The following HIRA variants were observed in gnomAD, a reference collection of about 807,000 sequenced individuals.
HIRA encodes protein HIRA.
In HIRA, 13 loss-of-function variants were observed where a neutral mutation model predicts 126.6. The ratio of observed to expected loss-of-function variants is 0.10; its 90% CI spans 0.07 to 0.16. The LOEUF (loss-of-function observed/expected upper bound fraction) is 0.16. Ranked by LOEUF, HIRA falls within the 10% of genes least tolerant of loss-of-function variation. The probability of loss-of-function intolerance (pLI) is 1.00; values close to 1 mark genes in which losing one functional copy is unlikely to be tolerated. For synonymous variants in HIRA, 511 were observed against 520.0 expected (o/e 0.98, Z 0.24); for missense variants, 834 against 1,314.4 (o/e 0.63, Z 5.65).
chr22:19,384,904 T>C (rs2089111862), intron 12 of HIRA, among the ~76,000 whole-genome samples: 1 of 151,980 alleles, frequency 6.6e-6, no homozygotes, highest in Admixed American at 6.6e-5. Flanking sequence ...TCCGCCTGCC[T>C]CAGCCTCCCA....
At position 19,354,083 on chromosome 22, in the gene HIRA, T is replaced by G; in HGVS notation, c.2597A>C (p.Gln866Pro). ...LVSDKQDSLAQCADFRSSLPS... is the reference protein window; with the variant it reads ...LVSDKQDSLAPCADFRSSLPS... Reference sequence around the variant, plus strand: ...CAGGCTGCTCCTAAAGTCTGCACACTGAGCCAGTGAGTCCTGCTTGTCAGA... The same window carrying G: ...CAGGCTGCTCCTAAAGTCTGCACACGGAGCCAGTGAGTCCTGCTTGTCAGA... The change falls in exon 22 of 25, where the codon CAG (glutamine) becomes CCG (proline). Residue 866 changes from glutamine to proline, a missense_variant. Around this residue, in one of 5 missense-constraint regions of HIRA, gnomAD observed 468 missense variants for 574.2 expected, o/e 0.82. Transcript: ENST00000263208. 6.2e-7 allele frequency: 1 copy of G among 1,613,104 alleles called. No individual in the cohort carries two copies.
chr22:19,361,324 G>A lies in HIRA; in HGVS notation c.1998C>T (p.Thr666=), dbSNP rs563277356. The A allele has an allele frequency of 8.7e-6, 14 of 1,614,158 alleles. No homozygotes were observed. The highest frequency in any genetic ancestry group is 1.6e-4 in the Middle Eastern group (1 of 6,062). The change falls in exon 17 of 25, where the codon ACC becomes ACT. Residue 666 remains threonine (T), a synonymous_variant. Transcript: ENST00000263208. ...SLSVQSPAAL[T]AEKEAMCLSA... is the part of the protein sequence containing the mutation. ...ACAGACACATGGCCTCCTTCTCTGCGGTTAGGGCAGCTGGAGACTGGAAGA... is the reference window on the plus strand; with the variant it reads ...ACAGACACATGGCCTCCTTCTCTGCAGTTAGGGCAGCTGGAGACTGGAAGA...
Position 19,334,165 on chromosome 22 carries a change from T to A in HIRA, c.2938-2609A>T, listed in dbSNP as rs752458735. On this transcript the variant is annotated intron_variant, in intron 24 of 24. Coordinates refer to ENST00000263208, the MANE Select transcript of HIRA (RefSeq NM_003325.4). Reference sequence around the variant, plus strand: ...AATTTTTTTGTATTTTTAGTAGAGATGGGGTTCCACCATGTTAGCAAGGAT... The same window carrying A: ...AATTTTTTTGTATTTTTAGTAGAGAAGGGGTTCCACCATGTTAGCAAGGAT... 3.3e-5 allele frequency among the ~76,000 whole-genome samples: 5 copies of A among 151,322 alleles called. No homozygotes were observed. In the East Asian group the frequency reaches 1.0e-3, roughly 30 times the overall value.
rs2088810846 is a variant in HIRA, at chr22:19,356,236, G to C, written c.2449C>G (p.Leu817Val). The C allele has an allele frequency of 4.3e-6, 7 of 1,613,874 alleles. No homozygotes were observed. The highest frequency in any genetic ancestry group is 5.9e-6 in the Non-Finnish European group (7 of 1,179,752). The change falls in exon 20 of 25, where the codon CTG becomes GTG. Residue 817 changes from leucine to valine, a missense_variant. Physicochemically the swap from Leu to Val is conservative, Grantham distance 32. Around this residue, in one of 5 missense-constraint regions of HIRA, gnomAD observed 468 missense variants for 574.2 expected, o/e 0.82. Coordinates refer to ENST00000263208, the MANE Select transcript of HIRA (RefSeq NM_003325.4). The part of the protein sequence containing the change: ...VVKEESLHSI[L>V]AGSDMTVSQI... ...AGCCTGTTGCCTGCATTACCTGCCA[G>C]GATGGAGTGTAGAGACTCTTCTTTC...
At chr22:19,350,979 G>GA (rs2088750945) in intron 24 of HIRA, 1 of 234,866 alleles carries the variant, frequency 4.3e-6, no homozygotes, top group Non-Finnish European at 7.0e-6. Flanking sequence ...TTCTTAGTCT[G>GA]AATCTAGTCT....
chr22:19,411,748 G>A (rs1027752350), intron 1 of HIRA, among the ~76,000 whole-genome samples: 2 of 152,170 alleles, frequency 1.3e-5, no homozygotes, highest in African/African-American at 4.8e-5. Context: ...TTCTGTCTCT[G>A]TCACCCAAGA....
chr22:19,363,336 G>A (rs2088882992), intron 15 of HIRA, among the ~76,000 whole-genome samples: 1 of 152,182 alleles, frequency 6.6e-6, no homozygotes, highest in African/African-American at 2.4e-5. Flanking sequence ...GGTGGACACA[G>A]TGGCTCATGC....
rs2088758134 is a variant in HIRA, at chr22:19,351,602, C to G, written c.2849-156G>C. Among the ~76,000 whole-genome samples the G allele has an allele frequency of 1.3e-5, 2 of 152,200 alleles. No homozygotes were observed. On this transcript the variant is annotated intron_variant, in intron 23 of 24. Transcript: ENST00000263208. The surrounding 1 kb of genome is among the most constrained non-coding windows in gnomAD (Gnocchi z 4.8). ...ATTGCCTACTATGGGCAAGACGCCC[C>G]TGCATGTCTCTCAGCGGGGGGCACT...
At chr22:19,362,192 A>G (rs2088870209) in intron 15 of HIRA, among the ~76,000 whole-genome samples, 1 of 152,262 alleles carries the variant, frequency 6.6e-6, no homozygotes, top group Non-Finnish European at 1.5e-5. Flanking sequence ...GATGCAGGCC[A>G]GAAACTCACA....
chr22:19,335,690 G>GCC (rs34489451), intron 24 of HIRA, among the ~76,000 whole-genome samples: 20 of 151,880 alleles, frequency 1.3e-4, no homozygotes, highest in Non-Finnish European at 2.4e-4. Flanking sequence ...TTATTGAATA[G>GCC]CCCCCCCTAT....
chr22:19,426,987 T>A (rs2089493284), intron 1 of HIRA, among the ~76,000 whole-genome samples: 1 of 152,162 alleles, frequency 6.6e-6, no homozygotes. Context: ...GATATCTGAT[T>A]CCAAAAACAG....
At chr22:19,343,287 C>G (rs1308518989) in intron 24 of HIRA, among the ~76,000 whole-genome samples, 1 of 152,152 alleles carries the variant, frequency 6.6e-6, no homozygotes. Context: ...TGCAGTGGCT[C>G]ACACCTGTAA....
At chr22:19,397,082 A>AG in intron 6 of HIRA, 135 bp from the exon 7 acceptor site, 1 of 722,644 alleles carries the variant, frequency 1.4e-6, no homozygotes, top group Non-Finnish European at 2.3e-6. Context: ...AGACAGAAGC[A>AG]GAAGGGCCTC....
At chr22:19,339,623 G>A (rs1397664460) in intron 24 of HIRA, among the ~76,000 whole-genome samples, 7 of 146,382 alleles carry the variant, frequency 4.8e-5, no homozygotes, top group African/African-American at 7.6e-5. Context: ...GCGACAGAGC[G>A]AGACTCCGTC....
At chr22:19,349,652 G>A (rs1556010227) in intron 24 of HIRA, among the ~76,000 whole-genome samples, 1 of 152,148 alleles carries the variant, frequency 6.6e-6, no homozygotes, top group Non-Finnish European at 1.5e-5. Context: ...ATGGAACAAT[G>A]CCTTCAGGGA....
intron 15 of HIRA, among the ~76,000 whole-genome samples, chr22:19,365,552 A>G (rs1334059539): frequency 6.6e-6 from 1 of 152,248 alleles, no homozygotes; most frequent in African/African-American, 2.4e-5. Context: ...AGCATGGTTT[A>G]CTGAATATTT....
At chr22:19,427,418 C>A (rs1201934853) in intron 1 of HIRA, among the ~76,000 whole-genome samples, 2 of 152,222 alleles carry the variant, frequency 1.3e-5, no homozygotes, top group African/African-American at 2.4e-5. Flanking sequence ...CTAACTTTAT[C>A]ATTATATGAT....
In HIRA at chr22:19,356,998, C is replaced by T; in HGVS notation, c.2288G>A (p.Cys763Tyr). The T allele has an allele frequency of 1.2e-6, 2 of 1,614,062 alleles. No individual in the cohort carries two copies. Among genetic ancestry groups the T allele is most frequent in the Non-Finnish European group, 1.7e-6 (2 of 1,180,000 alleles). Residue 763 changes from cysteine (C) to tyrosine (Y), a missense_variant, in exon 19 of 25, where the codon TGT becomes TAT. Transcript: ENST00000263208. ...GATGGGAGAGAGGAGACGGCGACCA[C>T]AGGTGGAGAACACTGACAGCATCCT... ...EKRMLSVFST[C>Y]GRRLLSPILL... is the part of the protein sequence containing the mutation.
intron 24 of HIRA, among the ~76,000 whole-genome samples, chr22:19,350,376 C>T (rs189481877): frequency 6.6e-6 from 1 of 152,304 alleles, no homozygotes; most frequent in East Asian, 1.9e-4. Context: ...TGTGAGCTAA[C>T]TCTTAGATCC....
Sources: gnomAD v4.1 joint callset for allele counts (sites outside exome capture counted in the v4.1 genomes callset) on GRCh38, gnomAD v4.1.1 for gene constraint, gnomAD v4.1.1 regional missense constraint, Gnocchi (gnomAD v3.1) non-coding constraint, MANE v1.5 for transcripts, NCBI Gene and HGNC (gene_info 2026-07-23, HGNC 2026-07-21) for gene names.